Variants in ZNF469 observed in about 807,000 individuals in gnomAD.
The protein encoded by ZNF469 is zinc finger protein 469.
A neutral mutation model predicts 1.0 loss-of-function variants in ZNF469; 1 was observed. The observed-to-expected ratio is 1.00, with a 90% CI of 0.35 to 4.73. The LOEUF is 4.73. ZNF469 is among the 30% of genes most tolerant of loss of function. ZNF469 has a pLI of 0.16. For missense variants in ZNF469, 6,100 were observed against 5,356.3 expected (o/e 1.14, Z -4.33); for synonymous variants, 2,703 against 2,363.4 (o/e 1.14, Z -4.17).
At chr16:88,165,093 C>T in the ZNF469 span, among the ~76,000 whole-genome samples, 7 of 152,232 alleles carry the variant, frequency 4.6e-5, no homozygotes, top group Non-Finnish European at 1.0e-4. Context: ...TCATCCCCTT[C>T]ATGGCTTTCA....
In ZNF469 at chr16:88,424,987, C is replaced by T. The variant is rs74032862; in HGVS notation, c.-127+116C>T. On this transcript the variant is annotated intron_variant, in intron 2 of 2. Transcript: ENST00000565624. The surrounding 1 kb of genome is among the most constrained non-coding windows in gnomAD (Gnocchi z 4.3). ...CTTCCTCTCCCTCTCAGGACAGTAA[C>T]CGGGCCTGCCTACTGCCTCCCGAGA... Among the ~76,000 whole-genome samples the T allele has an allele frequency of 0.086, 13,082 of 151,900 alleles. 1,216 individuals carry two copies. Among genetic ancestry groups the T allele is most frequent in the African/African-American group, 0.23 (9,694 of 41,388 alleles).
chr16:88,386,139 A>T (rs1351088641), intron 1 of ZNF469, among the ~76,000 whole-genome samples: 1 of 151,550 alleles, frequency 6.6e-6, no homozygotes, highest in Non-Finnish European at 1.5e-5. Context: ...CGCCTTCCCC[A>T]TTTTCCCTCC....
rs1567509733 is a variant in ZNF469, at chr16:88,428,993, C to A, written c.1523C>A (p.Ala508Glu). ...MEMLSRLPFP[A>E]GGPEWQGGSQ... is the part of the protein sequence containing the mutation. ...ATGCTGAGCCGGCTGCCTTTCCCCG[C>A]GGGGGGCCCCGAGTGGCAGGGGGGC... Residue 508 changes from alanine (A) to glutamate (E), a missense_variant, in exon 3 of 3, where the codon GCG (alanine) becomes GAG (glutamate). Ala to Glu is a moderately radical substitution (Grantham distance 107). Transcript: ENST00000565624. The A allele has an allele frequency of 6.5e-7, 1 of 1,549,208 alleles. No homozygotes were observed. The highest frequency in any genetic ancestry group is 8.7e-7 in the Non-Finnish European group (1 of 1,146,628).
At chr16:88,412,087 T>C (rs1290751591) in intron 1 of ZNF469, among the ~76,000 whole-genome samples, 1 of 19,524 alleles carries the variant, frequency 5.1e-5, no homozygotes, top group African/African-American at 2.2e-4. Context: ...GGGCGGGGGG[T>C]CCGGAGAGGC....
At chr16:88,270,673 G>A in the ZNF469 span, among the ~76,000 whole-genome samples, 4 of 152,158 alleles carry the variant, frequency 2.6e-5, no homozygotes, top group Non-Finnish European at 5.9e-5. Flanking sequence ...CTCACTCCAC[G>A]GGAAAATTCT....
chr16:88,404,975 C>T (rs1395534162), intron 1 of ZNF469, among the ~76,000 whole-genome samples: 1 of 152,194 alleles, frequency 6.6e-6, no homozygotes, highest in Non-Finnish European at 1.5e-5. Context: ...GGACTTCAGG[C>T]ATAGCTGGAT....
chr16:88,437,772 C>A lies in ZNF469; in HGVS notation c.10302C>A (p.Asp3434Glu). The A allele has an allele frequency of 6.5e-7, 1 of 1,549,558 alleles. No individual in the cohort carries two copies. The highest frequency in any genetic ancestry group is 1.2e-5 in the South Asian group (1 of 84,050). The change falls in exon 3 of 3, where the codon GAC becomes GAA. Residue 3434 changes from aspartate to glutamate, a missense_variant. Asp to Glu is a conservative substitution (Grantham distance 45). Coordinates refer to ENST00000565624, the MANE Select transcript of ZNF469 (RefSeq NM_001367624.2). ...CCTTCGCCAAGAAGGAGCAGTTCGA[C>A]CGCCACATGAACAAGCACCTCAGGG... is the stretch of plus-strand genomic sequence containing the variant. ...NYTFAKKEQF[D>E]RHMNKHLRGG... is the part of the protein sequence containing the mutation.
At chr16:88,371,428 G>C in the ZNF469 span, among the ~76,000 whole-genome samples, 1 of 152,224 alleles carries the variant, frequency 6.6e-6, no homozygotes, top group African/African-American at 2.4e-5. Context: ...CCCCAGTTCA[G>C]TCCTCATAGT....
the ZNF469 span, among the ~76,000 whole-genome samples, chr16:88,179,716 C>T: frequency 0.076 from 11,587 of 152,214 alleles, 822 homozygotes; most frequent in African/African-American, 0.18. Context: ...CTGCATGCTT[C>T]AAATGGGTGC....
intron 1 of ZNF469, among the ~76,000 whole-genome samples, chr16:88,397,250 C>G (rs890338936): frequency 3.3e-5 from 5 of 152,280 alleles, no homozygotes; most frequent in East Asian, 1.9e-4. Flanking sequence ...TGCCCACCCT[C>G]AAGCGATCAC....
the ZNF469 span, among the ~76,000 whole-genome samples, chr16:88,357,971 C>T: frequency 1.3e-5 from 2 of 152,210 alleles, no homozygotes; most frequent in African/African-American, 4.8e-5. Context: ...GGCATTTGGC[C>T]CGAAATGTCC....
chr16:88,132,203 A>G, the ZNF469 span, among the ~76,000 whole-genome samples: 151,910 of 152,356 alleles, frequency 1, 75,733 homozygotes, highest in Middle Eastern at 1. Flanking sequence ...CCCCACCCCT[A>G]CCCAGGACGG....
At chr16:88,105,136 A>C in the ZNF469 span, among the ~76,000 whole-genome samples, 1 of 152,184 alleles carries the variant, frequency 6.6e-6, no homozygotes. Context: ...CGGGAGGAAC[A>C]GTTGAGCTGG....
the ZNF469 span, among the ~76,000 whole-genome samples, chr16:88,266,673 G>C: frequency 6.6e-6 from 1 of 152,232 alleles, no homozygotes; most frequent in African/African-American, 2.4e-5. Flanking sequence ...CGCTGGGAAA[G>C]TTCTGAGGAC....
the ZNF469 span, among the ~76,000 whole-genome samples, chr16:88,246,622 C>T: frequency 1.3e-5 from 2 of 152,196 alleles, no homozygotes; most frequent in Non-Finnish European, 2.9e-5. Context: ...AAAGTGAAGC[C>T]CAGGAATTTA....
At chr16:88,206,301 C>A in the ZNF469 span, among the ~76,000 whole-genome samples, 1 of 152,210 alleles carries the variant, frequency 6.6e-6, no homozygotes, top group Non-Finnish European at 1.5e-5. Flanking sequence ...GGGCTCAGGG[C>A]CCACTGGCTG....
chr16:88,219,245 C>G, the ZNF469 span, among the ~76,000 whole-genome samples: 20 of 150,648 alleles, frequency 1.3e-4, no homozygotes, highest in Non-Finnish European at 7.4e-5. Context: ...CAATGCCTTT[C>G]CTCACAGATT....
intron 1 of ZNF469, among the ~76,000 whole-genome samples, chr16:88,384,157 A>G (rs1051085400): frequency 2.0e-4 from 30 of 152,316 alleles, no homozygotes; most frequent in African/African-American, 7.2e-4. Context: ...TTTAATCCTT[A>G]CGTCCTGAGA....
rs535466615 is a variant in ZNF469 at position 88,435,446 on chromosome 16, G to C, written c.7976G>C (p.Gly2659Ala). 3 of 1,549,882 alleles carry C rather than the reference G, an allele frequency of 1.9e-6. No individual in the cohort carries two copies. Among genetic ancestry groups the C allele is most frequent in the Non-Finnish European group, 2.6e-6 (3 of 1,146,998 alleles). Residue 2659 changes from glycine to alanine, a missense_variant, in exon 3 of 3, where the codon GGG becomes GCG. Transcript: ENST00000565624. ...GTCTCTGCTGATGTGATTTCAGATGGGCGCGGCTCCAGACCATCCCCTGCA... is the reference window on the plus strand; with the variant it reads ...GTCTCTGCTGATGTGATTTCAGATGCGCGCGGCTCCAGACCATCCCCTGCA... Reference protein sequence around the residue: ...LPVSADVISDGRGSRPSPAMA... With the variant: ...LPVSADVISDARGSRPSPAMA...
Sources: gnomAD v4.1 joint callset for allele counts (sites outside exome capture counted in the v4.1 genomes callset) on GRCh38, gnomAD v4.1.1 for gene constraint, Gnocchi (gnomAD v3.1) non-coding constraint, MANE v1.5 for transcripts, NCBI Gene and HGNC (gene_info 2026-07-23, HGNC 2026-07-21) for gene names.